RHBDF2: variants seen among roughly 807,000 people sequenced by gnomAD.
The protein encoded by RHBDF2 is inactive rhomboid protein 2.
In RHBDF2, 38 loss-of-function variants were observed where a neutral mutation model predicts 95.2. The observed-to-expected ratio is 0.40, with a 90% CI of 0.31 to 0.52. The LOEUF is 0.52. RHBDF2 is among the 20% of genes least tolerant of loss of function. RHBDF2 has a pLI of 0.56. For missense variants in RHBDF2, 863 were observed against 1,137.7 expected (o/e 0.76, Z 3.47); for synonymous variants, 442 against 462.0 (o/e 0.96, Z 0.55).
In RHBDF2 at chr17:76,474,809, C is replaced by T. The variant is rs781295911; in HGVS notation, c.1228-5G>A. 1.9e-5 allele frequency: 30 copies of T among 1,612,986 alleles called. No homozygotes were observed. Among genetic ancestry groups the T allele is most frequent in the South Asian group, 4.4e-5 (4 of 91,022 alleles). ...CACACCTTTGTTCCGCAGCACCTAT[C>T]GTGGAGGTAGCACAGAGGAGGGCGT... On this transcript the variant is annotated splice_polypyrimidine_tract_variant and splice_region_variant and intron_variant, in intron 10 of 18. Transcript: ENST00000675367.
rs550979701 is a variant in RHBDF2, at chr17:76,477,794, G to A, written c.673-9C>T. On this transcript the variant is annotated splice_polypyrimidine_tract_variant and intron_variant, in intron 6 of 18. Transcript: ENST00000675367. ...TCCAGCACCGAGCGCCCCTGTGCAC[G>A]GGCAGAGGCACAGCCATCAGGACCA... 48 of 1,608,046 alleles carry A rather than the reference G, an allele frequency of 3.0e-5. No individual in the cohort carries two copies. Among genetic ancestry groups the A allele is most frequent in the South Asian group, 2.9e-4 (26 of 91,038 alleles).
At chr17:76,474,935 G>A (rs1177169175) in intron 10 of RHBDF2, 95 bp downstream of exon 10, 5 of 1,481,610 alleles carry the variant, frequency 3.4e-6, no homozygotes, top group Admixed American at 1.9e-5. Flanking sequence ...CCCTGCTGGG[G>A]CCAGATTGTT....
intron 1 of RHBDF2, among the ~76,000 whole-genome samples, chr17:76,498,546 T>C (rs370349088): frequency 2.6e-5 from 4 of 151,956 alleles, no homozygotes; most frequent in South Asian, 2.1e-4. Context: ...CGGGCAGGCG[T>C]GCACAGCTCC....
intron 15 of RHBDF2, 98 bp downstream of exon 15, chr17:76,473,550 C>T (rs1174193042): frequency 8.3e-5 from 91 of 1,101,608 alleles, no homozygotes; most frequent in East Asian, 7.7e-5. Context: ...ATCGGCCCAG[C>T]GGCTGTGGGT....
intron 2 of RHBDF2, among the ~76,000 whole-genome samples, chr17:76,486,352 T>C (rs1257433617): frequency 6.6e-6 from 1 of 152,162 alleles, no homozygotes; most frequent in Non-Finnish European, 1.5e-5. Context: ...TCAAGTTTGC[T>C]TCGGCCTCTC....
intron 1 of RHBDF2, among the ~76,000 whole-genome samples, chr17:76,498,549 A>G (rs974516921): frequency 6.6e-6 from 1 of 151,966 alleles, no homozygotes; most frequent in African/African-American, 2.4e-5. Flanking sequence ...GCAGGCGTGC[A>G]CAGCTCCTTG....
At chr17:76,478,505 C>T (rs1480141421) in intron 6 of RHBDF2, among the ~76,000 whole-genome samples, 2 of 152,224 alleles carry the variant, frequency 1.3e-5, no homozygotes, top group African/African-American at 2.4e-5. Flanking sequence ...TTGGAAAACC[C>T]GGGTGGATGA....
chr17:76,499,649 T>C (rs1003026361), intron 1 of RHBDF2, among the ~76,000 whole-genome samples: 1 of 152,176 alleles, frequency 6.6e-6, no homozygotes, highest in Non-Finnish European at 1.5e-5. Context: ...ACTCCTTGGA[T>C]GTCACTTTCA....
intron 1 of RHBDF2, among the ~76,000 whole-genome samples, chr17:76,495,215 A>T (rs1387188277): frequency 1.3e-5 from 2 of 152,118 alleles, no homozygotes; most frequent in African/African-American, 4.8e-5. Flanking sequence ...GCAGGATGAG[A>T]TGCAGCCTGG....
At chr17:76,500,092 T>A (rs536170910) in intron 1 of RHBDF2, among the ~76,000 whole-genome samples, 1 of 152,278 alleles carries the variant, frequency 6.6e-6, no homozygotes, top group South Asian at 2.1e-4. Context: ...TCTGGAAAAC[T>A]GAGGTAGTTT....
chr17:76,474,632 G>A, intron 11 of RHBDF2, 98 bp from the exon 12 acceptor site: 2 of 1,611,646 alleles, frequency 1.2e-6, no homozygotes, highest in Non-Finnish European at 1.7e-6. Context: ...CCCCTGATGA[G>A]GGGCCTGCGG....
chr17:76,484,398 C>T (rs1057434705), intron 2 of RHBDF2, among the ~76,000 whole-genome samples: 1 of 152,158 alleles, frequency 6.6e-6, no homozygotes, highest in African/African-American at 2.4e-5. Context: ...CCTGGGAGCC[C>T]TTCAGCCAAG....
At chr17:76,482,772 C>CAA (rs200585024) in intron 2 of RHBDF2, among the ~76,000 whole-genome samples, 5 of 144,274 alleles carry the variant, frequency 3.5e-5, no homozygotes, top group African/African-American at 1.3e-4. Flanking sequence ...GAAAATGTCT[C>CAA]AAAAAAAAAA....
intron 9 of RHBDF2, 32 bp from the exon 10 acceptor site, chr17:76,475,173 G>C: frequency 6.7e-7 from 1 of 1,502,206 alleles, no homozygotes; most frequent in Non-Finnish European, 9.1e-7. Context: ...CAGCTGAGCC[G>C]AGCTCCTATC....
At chr17:76,482,602 T>A (rs2074004367) in intron 2 of RHBDF2, among the ~76,000 whole-genome samples, 1 of 151,764 alleles carries the variant, frequency 6.6e-6, no homozygotes, top group Non-Finnish European at 1.5e-5. Context: ...GGTAAAACCC[T>A]GTCTCTACTA....
rs1410465518 is a variant in RHBDF2, at chr17:76,473,261, G to C, written c.1800C>G (p.Leu600=). 1 of 1,612,734 alleles carries C rather than the reference G, an allele frequency of 6.2e-7. No homozygotes were observed. The highest frequency in any genetic ancestry group is 1.1e-5 in the South Asian group (1 of 90,782). The change falls in exon 16 of 19, where the codon CTC becomes CTG. Residue 600 remains leucine, a synonymous_variant. Transcript: ENST00000675367. ...MHGYFHEEAT[L]CSQVHCLDKV... is the part of the protein sequence containing the mutation. Reference sequence around the variant, plus strand: ...GCCTGCCTCGCCTCACCTGGGAGCAGAGTGTTGCTTCCTCATGGAAATAGC... The same window carrying C: ...GCCTGCCTCGCCTCACCTGGGAGCACAGTGTTGCTTCCTCATGGAAATAGC...
In RHBDF2 at chr17:76,477,419, C is replaced by T. The variant is rs1036793141; in HGVS notation, c.802-121G>A. The T allele has an allele frequency of 5.4e-6, 7 of 1,292,594 alleles. No homozygotes were observed. The African/African-American group carries it at 8.9e-5, about 16-fold the overall frequency. The allele number at this position is 1,292,594 out of a possible 1,614,324, so 80.1% of individuals were successfully genotyped here. On this transcript the variant is annotated intron_variant, in intron 7 of 18. Coordinates refer to ENST00000675367, the MANE Select transcript of RHBDF2 (RefSeq NM_001005498.4). ...GGGCTCTTCACAATGAATTGGGAAG[C>T]CACATGCCCGTCAGCCCCAATGGTG...
rs1598674959 is a variant in RHBDF2 at position 76,481,544 on chromosome 17, G to A, written c.-20C>T. On this transcript the variant is annotated splice_region_variant and 5_prime_UTR_variant, in exon 3 of 19. Transcript: ENST00000675367. ...GGCCATTGTGGGCAGGAGGCGGGAG[G>A]GCTGGAATGGAGACCGGGAGAGCAG... is the stretch of plus-strand genomic sequence containing the variant. 1 of 1,601,682 alleles carries A rather than the reference G, an allele frequency of 6.2e-7. No individual in the cohort carries two copies. The highest frequency in any genetic ancestry group is 8.5e-7 in the Non-Finnish European group (1 of 1,177,586).
rs2074303282 is a variant in RHBDF2 at position 76,491,631 on chromosome 17, C to G, written c.-219-3722G>C. Reference sequence around the variant, plus strand: ...CTTCTCTGAGGGAATGGGACAAGGTCACGGCCCAGCTTTGACACCCATGAA... The same window carrying G: ...CTTCTCTGAGGGAATGGGACAAGGTGACGGCCCAGCTTTGACACCCATGAA... On this transcript the variant is annotated intron_variant, in intron 1 of 18. Transcript: ENST00000675367. Among the ~76,000 whole-genome samples the G allele has an allele frequency of 2.0e-5, 3 of 152,226 alleles. 1 individual carries two copies. The South Asian group carries it at 6.2e-4, about 31-fold the overall frequency.
Sources: allele counts gnomAD v4.1 joint callset (sites outside exome capture counted in the v4.1 genomes callset), GRCh38; gene constraint gnomAD v4.1.1; transcripts MANE v1.5; gene names NCBI Gene and HGNC (gene_info 2026-07-23, HGNC 2026-07-21).